The following TULP4 variants were observed in gnomAD, a reference collection of about 807,000 sequenced individuals.
TULP4 encodes the protein TUB like protein 4, also known as tubby-related protein 4.
A neutral mutation model predicts 129.0 loss-of-function variants in TULP4; 16 were observed. The observed-to-expected ratio is 0.12, with a 90% CI of 0.08 to 0.19. The LOEUF (loss-of-function observed/expected upper bound fraction) is 0.19, where lower values mean the gene tolerates loss of function less well. Among genes scored for constraint, TULP4 ranks in the 10% least tolerant of loss-of-function variants. The pLI, the probability that TULP4 is intolerant of heterozygous loss-of-function variation, is 1.00. For missense variants in TULP4, 1,842 were observed against 2,059.1 expected (o/e 0.89, Z 2.04); for synonymous variants, 998 against 854.0 (o/e 1.17, Z -2.94).
intron 7 of TULP4, 29 bp from the exon 8 acceptor site, chr6:158,481,026 G>A: frequency 6.5e-7 from 1 of 1,531,140 alleles, no homozygotes; most frequent in Non-Finnish European, 8.8e-7. Flanking sequence ...TGGAGTCCCA[G>A]CTCTTCATTT....
intron 3 of TULP4, among the ~76,000 whole-genome samples, chr6:158,446,874 C>T (rs375559574): frequency 4.6e-5 from 7 of 152,090 alleles, no homozygotes; most frequent in East Asian, 3.9e-4. Context: ...CTTATATGGG[C>T]GCTAATCCTA....
intron 1 of TULP4, among the ~76,000 whole-genome samples, chr6:158,359,214 A>T (rs1780712016): frequency 6.6e-6 from 1 of 152,058 alleles, no homozygotes; most frequent in Non-Finnish European, 1.5e-5. Flanking sequence ...GTCTCTACTG[A>T]TGGAATTTGG....
At chr6:158,470,572 G>A (rs1019852024) in intron 6 of TULP4, among the ~76,000 whole-genome samples, 2 of 152,194 alleles carry the variant, frequency 1.3e-5, no homozygotes, top group African/African-American at 2.4e-5. Context: ...AGGTGGATGC[G>A]GTCACCTTCC....
intron 6 of TULP4, among the ~76,000 whole-genome samples, chr6:158,465,691 G>GAA (rs1250520858): frequency 6.6e-6 from 1 of 152,212 alleles, no homozygotes; most frequent in South Asian, 2.1e-4. Flanking sequence ...GAGGTCCTGA[G>GAA]AAAGTGCGCC....
At chr6:158,386,269 A>G (rs1365458388) in intron 1 of TULP4, among the ~76,000 whole-genome samples, 1 of 152,156 alleles carries the variant, frequency 6.6e-6, no homozygotes, top group African/African-American at 2.4e-5. Flanking sequence ...ATGTTTTATT[A>G]CAAATTTCAG....
chr6:158,301,768 C>T (rs907433712), intron 1 of TULP4, among the ~76,000 whole-genome samples: 22 of 152,186 alleles, frequency 1.4e-4, no homozygotes, highest in African/African-American at 5.3e-4. Flanking sequence ...TCCATGAATT[C>T]CAGTTCTAGT....
intron 3 of TULP4, among the ~76,000 whole-genome samples, chr6:158,448,139 A>T (rs1415780503): frequency 6.6e-6 from 1 of 152,184 alleles, no homozygotes; most frequent in African/African-American, 2.4e-5. Flanking sequence ...GGAGGGGCGC[A>T]TTCAGCCTTC....
chr6:158,342,491 G>A (rs1390971030), intron 1 of TULP4, among the ~76,000 whole-genome samples: 1 of 152,132 alleles, frequency 6.6e-6, no homozygotes, highest in East Asian at 1.9e-4. Flanking sequence ...ATAGTTCCAC[G>A]TGCCTGATCC....
chr6:158,382,380 G>A (rs527344445), intron 1 of TULP4, among the ~76,000 whole-genome samples: 137 of 152,214 alleles, frequency 9.0e-4, no homozygotes, highest in African/African-American at 2.9e-3. Flanking sequence ...TTTTCTCATC[G>A]TTGTAATTGC....
At chr6:158,479,645 C>A in intron 6 of TULP4, 106 bp from the exon 7 acceptor site, 1 of 1,058,612 alleles carries the variant, frequency 9.4e-7, no homozygotes, top group Non-Finnish European at 1.4e-6. Context: ...AACCAGTATT[C>A]TCAAAACAGC....
At chr6:158,276,975 C>T (rs574379461) in intron 1 of TULP4, among the ~76,000 whole-genome samples, 1 of 151,706 alleles carries the variant, frequency 6.6e-6, no homozygotes, top group East Asian at 1.9e-4. Flanking sequence ...GTCTTGTTCC[C>T]GTTTCACAGG....
intron 1 of TULP4, among the ~76,000 whole-genome samples, chr6:158,293,372 C>G (rs1179199994): frequency 6.6e-6 from 1 of 152,196 alleles, no homozygotes; most frequent in African/African-American, 2.4e-5. Flanking sequence ...TTGTTTCCCA[C>G]TTCCCTAAAC....
intron 1 of TULP4, among the ~76,000 whole-genome samples, chr6:158,316,005 A>C (rs1779483592): frequency 6.6e-6 from 1 of 152,220 alleles, no homozygotes; most frequent in Non-Finnish European, 1.5e-5. Context: ...GAAGTAACTC[A>C]TATTCTGACT....
At chr6:158,403,491 C>A (rs190690844) in intron 1 of TULP4, among the ~76,000 whole-genome samples, 9 of 152,270 alleles carry the variant, frequency 5.9e-5, no homozygotes, top group African/African-American at 1.9e-4. Flanking sequence ...AGGCATGCGC[C>A]CCTATGCCCG....
chr6:158,506,202 G>A (rs1357218048), intron 13 of TULP4, among the ~76,000 whole-genome samples: 1 of 144,688 alleles, frequency 6.9e-6, no homozygotes, highest in African/African-American at 2.6e-5. Context: ...AGACCCGGCT[G>A]TCGCCTTGCT....
intron 5 of TULP4, among the ~76,000 whole-genome samples, chr6:158,454,602 TTCTC>T (rs558024905): frequency 1.7e-3 from 247 of 148,802 alleles, no homozygotes; most frequent in African/African-American, 5.5e-3. Flanking sequence ...GGAGCAACAG[TTCTC>T]TCTTTTTTTT....
chr6:158,304,198 T>G (rs968079398), intron 1 of TULP4, among the ~76,000 whole-genome samples: 1 of 152,180 alleles, frequency 6.6e-6, no homozygotes, highest in South Asian at 2.1e-4. Context: ...GGTTGAACTT[T>G]CCAAGCAAGT....
chr6:158,335,459 T>C (rs997534388), intron 1 of TULP4, among the ~76,000 whole-genome samples: 8 of 862 alleles, frequency 9.3e-3, no homozygotes, highest in Non-Finnish European at 0.025. Context: ...TTCATTCTTA[T>C]GATTTTATGT....
At chr6:158,359,572 G>A (rs554196757) in intron 1 of TULP4, among the ~76,000 whole-genome samples, 4 of 152,064 alleles carry the variant, frequency 2.6e-5, no homozygotes, top group African/African-American at 4.8e-5. Flanking sequence ...ATCTCTCCAC[G>A]TTCTTCTGCC....
Sources: gnomAD v4.1 joint callset for allele counts (sites outside exome capture counted in the v4.1 genomes callset) on GRCh38, gnomAD v4.1.1 for gene constraint, MANE v1.5 for transcripts, NCBI Gene and HGNC (gene_info 2026-07-23, HGNC 2026-07-21) for gene names.